The following ANXA8 variants were observed in gnomAD, a reference collection of about 807,000 sequenced individuals.
ANXA8 encodes VAC-beta.
A neutral mutation model predicts 26.8 loss-of-function variants in ANXA8; 9 were observed. That is an observed-to-expected ratio of 0.34 (90% CI 0.20 to 0.59). The LOEUF is 0.59. ANXA8 is among the 20% of genes least tolerant of loss of function. ANXA8 has a pLI of 0.84. For missense variants in ANXA8, 83 were observed against 238.5 expected (o/e 0.35, Z 4.29); for synonymous variants, 39 against 94.8 (o/e 0.41, Z 3.42).
At chr10:47,660,842 A>G in the ANXA8 span, among the ~76,000 whole-genome samples, 4 of 147,598 alleles carry the variant, frequency 2.7e-5, no homozygotes, top group Non-Finnish European at 4.5e-5. Context: ...TACATTCATG[A>G]GTGCCACAAG....
At chr10:47,622,238 C>T in the ANXA8 span, among the ~76,000 whole-genome samples, 2 of 112,000 alleles carry the variant, frequency 1.8e-5, 1 homozygote, top group Non-Finnish European at 3.9e-5. Context: ...GCTTTGTCCT[C>T]CTTGTAGACA....
At chr10:47,944,961 C>G in the ANXA8 span, among the ~76,000 whole-genome samples, 1 of 148,892 alleles carries the variant, frequency 6.7e-6, no homozygotes, top group Non-Finnish European at 1.5e-5. Context: ...CTTAAACTCT[C>G]TGCACTCTCT....
chr10:47,511,144 C>T, the ANXA8 span, among the ~76,000 whole-genome samples: 27 of 133,174 alleles, frequency 2.0e-4, no homozygotes, highest in African/African-American at 7.0e-4. Context: ...GGGGTTTCAC[C>T]GTGTTAGCCA....
chr10:47,503,280 G>T, the ANXA8 span: 5 of 1,577,242 alleles, frequency 3.2e-6, no homozygotes, highest in East Asian at 1.2e-4. Context: ...CCTGTTTAAT[G>T]GGGATGGCTC....
the ANXA8 span, among the ~76,000 whole-genome samples, chr10:47,684,665 A>G: frequency 6.6e-6 from 1 of 151,736 alleles, no homozygotes; most frequent in East Asian, 1.9e-4. Context: ...GGCTCACTGC[A>G]ACTTCCACCT....
chr10:47,615,686 T>C, the ANXA8 span, among the ~76,000 whole-genome samples: 2 of 71,156 alleles, frequency 2.8e-5, 1 homozygote, highest in Admixed American at 3.0e-4. Flanking sequence ...CCCAGTAGGA[T>C]TGGCTGAAGA....
At chr10:47,548,558 C>A in the ANXA8 span, among the ~76,000 whole-genome samples, 1 of 151,836 alleles carries the variant, frequency 6.6e-6, no homozygotes, top group African/African-American at 2.4e-5. Flanking sequence ...ACTTCGGTCT[C>A]CCAAAGTGCT....
chr10:47,656,239 A>G, the ANXA8 span, among the ~76,000 whole-genome samples: 2 of 151,594 alleles, frequency 1.3e-5, no homozygotes, highest in Non-Finnish European at 2.9e-5. Flanking sequence ...TCTACAAAAA[A>G]TACAAAAAAT....
At chr10:47,726,566 A>C in the ANXA8 span, among the ~76,000 whole-genome samples, 2 of 152,276 alleles carry the variant, frequency 1.3e-5, no homozygotes, top group African/African-American at 4.8e-5. Flanking sequence ...TTCTAAAAAT[A>C]ATTTATAAAA....
At chr10:47,684,045 G>A in the ANXA8 span, among the ~76,000 whole-genome samples, 1 of 151,898 alleles carries the variant, frequency 6.6e-6, no homozygotes, top group Non-Finnish European at 1.5e-5. Flanking sequence ...AAAGATAAAG[G>A]ATTATGGTTG....
At chr10:47,510,400 A>G in the ANXA8 span, 2 of 1,384,482 alleles carry the variant, frequency 1.4e-6, no homozygotes, top group African/African-American at 2.9e-5. Context: ...ATCATGTGCA[A>G]TCTATAGAAA....
the ANXA8 span, among the ~76,000 whole-genome samples, chr10:47,711,634 GACTA>G: frequency 1.4e-5 from 2 of 146,518 alleles, no homozygotes; most frequent in South Asian, 2.1e-4. Context: ...ATCAGTGATA[GACTA>G]ACTATGATCA....
the ANXA8 span, among the ~76,000 whole-genome samples, chr10:47,954,287 G>A: frequency 6.6e-6 from 1 of 150,998 alleles, no homozygotes; most frequent in African/African-American, 2.4e-5. Flanking sequence ...AAATAAAAAA[G>A]GCACAGAAAC....
chr10:47,624,135 G>A, the ANXA8 span, among the ~76,000 whole-genome samples: 1 of 102,776 alleles, frequency 9.7e-6, no homozygotes, highest in Admixed American at 1.0e-4. Flanking sequence ...CCAGCTACTC[G>A]GGAGGCTGAG....
Position 47,475,066 on chromosome 10 carries a change from G to T in ANXA8, c.493-62C>A, listed in dbSNP as rs1839473274. On this transcript the variant is annotated intron_variant, in intron 6 of 11. Transcript: ENST00000585281. ...GCTGACCAGAGCATTAAGGGCACAG[G>T]GGGGATCCTGGGCTTGGAGGGCAGG... 9 of 1,523,394 alleles carry T rather than the reference G, an allele frequency of 5.9e-6. 2 individuals are homozygous for T. The highest frequency in any genetic ancestry group is 8.0e-6 in the Non-Finnish European group (9 of 1,123,098). 94.4% of individuals were successfully genotyped at this position (1,523,394 alleles called of 1,614,324 possible).
the ANXA8 span, among the ~76,000 whole-genome samples, chr10:47,686,380 G>A: frequency 1.3e-5 from 2 of 151,438 alleles, no homozygotes; most frequent in African/African-American, 4.9e-5. Flanking sequence ...CACCATACCT[G>A]GCTAATTTTC....
the ANXA8 span, among the ~76,000 whole-genome samples, chr10:47,769,869 T>A: frequency 6.6e-6 from 1 of 151,462 alleles, no homozygotes; most frequent in Admixed American, 6.6e-5. Flanking sequence ...ACTGGGTAAT[T>A]TATAAAGAAA....
intron 9 of ANXA8, among the ~76,000 whole-genome samples, chr10:47,472,758 TG>T (rs1839374090): frequency 9.1e-6 from 1 of 109,608 alleles, no homozygotes; most frequent in Non-Finnish European, 1.9e-5. Context: ...GGCATCTGGG[TG>T]GGGAAGGTTG....
chr10:47,573,820 G>T, the ANXA8 span, among the ~76,000 whole-genome samples: 1 of 147,196 alleles, frequency 6.8e-6, no homozygotes, highest in Non-Finnish European at 1.5e-5. Flanking sequence ...TAAGGGAAGG[G>T]TGCTAAGACA....
Sources: allele counts gnomAD v4.1 joint callset (sites outside exome capture counted in the v4.1 genomes callset), GRCh38; gene constraint gnomAD v4.1.1; transcripts MANE v1.5; gene names NCBI Gene and HGNC (gene_info 2026-07-23, HGNC 2026-07-21).